Variants in MAGI1 observed in about 807,000 individuals in gnomAD.
MAGI1 encodes the protein membrane-associated guanylate kinase, WW and PDZ domain-containing protein 1.
Under a neutral mutation model 139.9 loss-of-function variants are expected in MAGI1, and 58 were observed. That is an observed-to-expected ratio of 0.41 (90% CI 0.34 to 0.52). The LOEUF is 0.52. MAGI1 is among the 20% of genes least tolerant of loss of function. The probability of loss-of-function intolerance (pLI) is 0.12; values close to 1 mark genes in which losing one functional copy is unlikely to be tolerated. For synonymous variants in MAGI1, 812 were observed against 737.9 expected (o/e 1.10, Z -1.63); for missense variants, 1,874 against 1,901.6 (o/e 0.99, Z 0.27).
At chr3:65,495,435 A>C (rs1261642693) in intron 2 of MAGI1, among the ~76,000 whole-genome samples, 1 of 152,130 alleles carries the variant, frequency 6.6e-6, no homozygotes, top group African/African-American at 2.4e-5. Context: ...TATACATATA[A>C]ATATATCTCT....
At chr3:65,851,411 G>A (rs748869849) in intron 1 of MAGI1, among the ~76,000 whole-genome samples, 1 of 152,006 alleles carries the variant, frequency 6.6e-6, no homozygotes, top group Non-Finnish European at 1.5e-5. Flanking sequence ...GGATTTTGAT[G>A]GGCACTGGTG....
intron 1 of MAGI1, among the ~76,000 whole-genome samples, chr3:65,675,266 G>A (rs1053838920): frequency 6.6e-6 from 1 of 152,176 alleles, no homozygotes; most frequent in African/African-American, 2.4e-5. Context: ...ATTTGAAACA[G>A]CAACATATCA....
chr3:65,941,826 C>G (rs964520453), intron 1 of MAGI1, among the ~76,000 whole-genome samples: 7 of 152,198 alleles, frequency 4.6e-5, no homozygotes, highest in Non-Finnish European at 7.3e-5. Context: ...GGGTCTCACT[C>G]TGCTGACCAG....
intron 3 of MAGI1, among the ~76,000 whole-genome samples, chr3:65,480,786 C>T (rs1951233542): frequency 6.6e-6 from 1 of 151,916 alleles, no homozygotes; most frequent in Admixed American, 6.6e-5. Context: ...CGGGATTTCA[C>T]CATGTTGGCC....
chr3:65,920,245 T>C (rs264695), intron 1 of MAGI1, among the ~76,000 whole-genome samples: 34,038 of 152,072 alleles, frequency 0.22, 3,945 homozygotes, highest in African/African-American at 0.26. Context: ...CTGTATTTTT[T>C]CCTTCCAGCT....
At chr3:65,924,884 T>C (rs1576081513) in intron 1 of MAGI1, 1 of 152,244 alleles carries the variant, frequency 6.6e-6, no homozygotes, top group Non-Finnish European at 1.5e-5. Flanking sequence ...ATTGTTATTA[T>C]TATTTTCTTT....
In MAGI1 at chr3:65,787,287, C is replaced by T. The variant is rs558833923; in HGVS notation, c.314-165199G>A. ...ACAGGGCCCGGTCATCTTTAAGACA[C>T]CTCGAGTTTATAAGCCACTGGAGCA... is the stretch of plus-strand genomic sequence containing the variant. On this transcript the variant is annotated intron_variant, in intron 1 of 22. Coordinates refer to ENST00000402939, the MANE Select transcript of MAGI1 (RefSeq NM_001033057.2). Among the ~76,000 whole-genome samples, 6 of 152,030 alleles carry T rather than the reference C, an allele frequency of 3.9e-5. No individual in the cohort carries two copies. In the East Asian group the frequency reaches 1.2e-3, roughly 29 times the overall value.
intron 7 of MAGI1, among the ~76,000 whole-genome samples, chr3:65,443,735 A>T (rs1488494303): frequency 2.0e-5 from 3 of 152,192 alleles, no homozygotes; most frequent in African/African-American, 7.2e-5. Context: ...TATTCAACTT[A>T]ATTTTAAAGC....
At chr3:65,451,732 A>G (rs1949042895) in intron 6 of MAGI1, among the ~76,000 whole-genome samples, 2 of 151,932 alleles carry the variant, frequency 1.3e-5, no homozygotes, top group Admixed American at 1.3e-4. Context: ...GCAGCCTCCT[A>G]CTCTTGGGCT....
intron 1 of MAGI1, among the ~76,000 whole-genome samples, chr3:65,867,093 G>A (rs2059755547): frequency 6.6e-6 from 1 of 152,170 alleles, no homozygotes; most frequent in African/African-American, 2.4e-5. Context: ...CTGGAAATTG[G>A]AGACCATTAA....
chr3:65,853,042 G>A (rs955149958), intron 1 of MAGI1, among the ~76,000 whole-genome samples: 14 of 151,640 alleles, frequency 9.2e-5, no homozygotes, highest in South Asian at 4.1e-4. Flanking sequence ...CCAACTACTC[G>A]GGAGGCTGAG....
At chr3:65,701,696 A>C (rs2089622752) in intron 1 of MAGI1, among the ~76,000 whole-genome samples, 1 of 152,232 alleles carries the variant, frequency 6.6e-6, no homozygotes. Flanking sequence ...AGCTTGAATA[A>C]GAACTTCATT....
chr3:65,797,219 G>A (rs2040204548), intron 1 of MAGI1, among the ~76,000 whole-genome samples: 2 of 152,082 alleles, frequency 1.3e-5, no homozygotes, highest in Admixed American at 6.6e-5. Flanking sequence ...CAGCTGCAAT[G>A]GTCTCTTACA....
In MAGI1 at chr3:65,879,034, T is replaced by C. The variant is rs535761800; in HGVS notation, c.313+158962A>G. ...TGATCAAAGTCAATACAAGCCTCACTTTAGAATGGCTTCCATACCATCAAT... is the reference window on the plus strand; with the variant it reads ...TGATCAAAGTCAATACAAGCCTCACCTTAGAATGGCTTCCATACCATCAAT... On this transcript the variant is annotated intron_variant, in intron 1 of 22. Transcript: ENST00000402939. Among the ~76,000 whole-genome samples, 3 of 152,216 alleles carry C rather than the reference T, an allele frequency of 2.0e-5. No individual in the cohort carries two copies. The South Asian group carries it at 6.2e-4, about 32-fold the overall frequency.
At chr3:65,799,103 G>T (rs370721536) in intron 1 of MAGI1, among the ~76,000 whole-genome samples, 23 of 152,076 alleles carry the variant, frequency 1.5e-4, no homozygotes, top group Non-Finnish European at 1.5e-5. Context: ...GAAAATTCTC[G>T]ATTTAATAAG....
At chr3:65,578,722 C>G (rs1316254522) in intron 2 of MAGI1, among the ~76,000 whole-genome samples, 1 of 152,104 alleles carries the variant, frequency 6.6e-6, no homozygotes, top group Non-Finnish European at 1.5e-5. Flanking sequence ...GAGTTCAAGA[C>G]CAGCCTGGCC....
At chr3:65,719,563 T>G (rs1008112748) in intron 1 of MAGI1, among the ~76,000 whole-genome samples, 1 of 151,406 alleles carries the variant, frequency 6.6e-6, no homozygotes, top group South Asian at 2.1e-4. Flanking sequence ...TTTTTTTTTT[T>G]GAAACAGGGT....
chr3:65,393,581 A>C (rs539515416), intron 13 of MAGI1, among the ~76,000 whole-genome samples: 1 of 152,264 alleles, frequency 6.6e-6, no homozygotes, highest in South Asian at 2.1e-4. Flanking sequence ...TCACCTCTGA[A>C]GGGGAAAGAT....
chr3:65,679,393 T>C lies in MAGI1; in HGVS notation c.314-57305A>G, dbSNP rs150886219. The stretch of plus-strand genomic sequence containing the variant: ...CATCACTTCCTTAACTGCATTCCTA[T>C]TGCTTAATCAAGATGCCCCTGGGGC... On this transcript the variant is annotated intron_variant, in intron 1 of 22. Coordinates refer to ENST00000402939, the MANE Select transcript of MAGI1 (RefSeq NM_001033057.2). 2.4e-3 allele frequency among the ~76,000 whole-genome samples: 360 copies of C among 152,164 alleles called. 1 individual carries two copies. The highest frequency in any genetic ancestry group is 4.6e-3 in the Admixed American group (71 of 15,276).
Sources: allele counts gnomAD v4.1 joint callset (sites outside exome capture counted in the v4.1 genomes callset), GRCh38; gene constraint gnomAD v4.1.1; transcripts MANE v1.5; gene names NCBI Gene and HGNC (gene_info 2026-07-23, HGNC 2026-07-21).